Variants in FNBP1L observed in about 807,000 individuals in gnomAD.
FNBP1L encodes the protein formin-binding protein 1-like.
Under a neutral mutation model 91.2 loss-of-function variants are expected in FNBP1L, and 36 were observed. The observed-to-expected ratio is 0.39, with a 90% CI of 0.30 to 0.52. FNBP1L has a LOEUF of 0.52. Among genes scored for constraint, FNBP1L ranks in the 20% least tolerant of loss-of-function variants. The probability of loss-of-function intolerance (pLI) is 0.66; values close to 1 mark genes in which losing one functional copy is unlikely to be tolerated. For missense variants in FNBP1L, 571 were observed against 732.1 expected, an observed-to-expected ratio of 0.78 and a Z score of 2.54; for synonymous variants, 242 against 237.0, an observed-to-expected ratio of 1.02 and a Z score of -0.19.
At chr1:93,527,136 T>A (rs1248237923) in intron 5 of FNBP1L, among the ~76,000 whole-genome samples, 6 of 152,190 alleles carry the variant, frequency 3.9e-5, no homozygotes, top group African/African-American at 1.4e-4. Flanking sequence ...GGAGCGCATT[T>A]ATTTGATGTA....
At chr1:93,452,774 T>C (rs1010880607) in intron 1 of FNBP1L, among the ~76,000 whole-genome samples, 3 of 152,132 alleles carry the variant, frequency 2.0e-5, no homozygotes, top group Admixed American at 6.5e-5. Flanking sequence ...ACAAAGAAAA[T>C]TCATTATTAA....
chr1:93,537,924 C>T (rs1186383945), intron 10 of FNBP1L, among the ~76,000 whole-genome samples: 3 of 152,088 alleles, frequency 2.0e-5, no homozygotes, highest in Non-Finnish European at 4.4e-5. Flanking sequence ...AACTCCTGGG[C>T]TCAAGCAGTC....
At chr1:93,498,530 T>A (rs1670340545) in intron 1 of FNBP1L, among the ~76,000 whole-genome samples, 1 of 152,236 alleles carries the variant, frequency 6.6e-6, no homozygotes, top group Non-Finnish European at 1.5e-5. Flanking sequence ...CAAAAGGAGA[T>A]AATTTGTTTG....
chr1:93,495,846 G>T (rs1023227578), intron 1 of FNBP1L, among the ~76,000 whole-genome samples: 4 of 152,200 alleles, frequency 2.6e-5, no homozygotes, highest in African/African-American at 9.7e-5. Context: ...TGCTGAAAAT[G>T]ATCTGTGTCA....
chr1:93,479,025 C>G (rs1669595391), intron 1 of FNBP1L, among the ~76,000 whole-genome samples: 1 of 152,190 alleles, frequency 6.6e-6, no homozygotes, highest in South Asian at 2.1e-4. Flanking sequence ...AATCTTATCC[C>G]TTATTGGGGG....
At chr1:93,505,278 A>G (rs1670572745) in intron 2 of FNBP1L, among the ~76,000 whole-genome samples, 1 of 152,134 alleles carries the variant, frequency 6.6e-6, no homozygotes, top group Non-Finnish European at 1.5e-5. Flanking sequence ...TTTATTTAGT[A>G]AGGCCATTTT....
At chr1:93,490,675 A>G (rs1227771202) in intron 1 of FNBP1L, among the ~76,000 whole-genome samples, 1 of 152,190 alleles carries the variant, frequency 6.6e-6, no homozygotes, top group African/African-American at 2.4e-5. Flanking sequence ...AACAGTGCTA[A>G]AGGTAGAGAG....
chr1:93,470,766 G>T (rs913544914), intron 1 of FNBP1L, among the ~76,000 whole-genome samples: 1 of 151,890 alleles, frequency 6.6e-6, no homozygotes, highest in Non-Finnish European at 1.5e-5. Context: ...CCAGCTATTC[G>T]GGAGGCTGAG....
intron 1 of FNBP1L, among the ~76,000 whole-genome samples, chr1:93,496,610 C>G (rs1276946667): frequency 6.6e-6 from 1 of 152,078 alleles, no homozygotes; most frequent in East Asian, 1.9e-4. Flanking sequence ...TAACATGTTG[C>G]TAAGGCTGGT....
At chr1:93,494,049 A>G (rs1205762132) in intron 1 of FNBP1L, among the ~76,000 whole-genome samples, 1 of 152,144 alleles carries the variant, frequency 6.6e-6, no homozygotes, top group Non-Finnish European at 1.5e-5. Flanking sequence ...TCAGTTCCAT[A>G]ATACCGCCTG....
At chr1:93,484,028 A>G (rs1557785328) in intron 1 of FNBP1L, among the ~76,000 whole-genome samples, 1 of 152,216 alleles carries the variant, frequency 6.6e-6, no homozygotes, top group Non-Finnish European at 1.5e-5. Context: ...TCCTGGGTTC[A>G]AGCAATTCTC....
chr1:93,515,964 A>G (rs1671089976), intron 2 of FNBP1L, among the ~76,000 whole-genome samples: 1 of 152,190 alleles, frequency 6.6e-6, no homozygotes, highest in Non-Finnish European at 1.5e-5. Flanking sequence ...TTGACCTATT[A>G]TCCTCTATGA....
intron 7 of FNBP1L, among the ~76,000 whole-genome samples, chr1:93,531,436 G>A (rs185285966): frequency 1.3e-5 from 2 of 152,288 alleles, no homozygotes; most frequent in South Asian, 2.1e-4. Context: ...ATTTTCATGA[G>A]GGTTAAATTA....
At chr1:93,534,673 AAC>A (rs915614782) in intron 8 of FNBP1L, 30 bp from the exon 9 acceptor site, 3 of 1,457,676 alleles carry the variant, frequency 2.1e-6, no homozygotes, top group African/African-American at 2.8e-5. Flanking sequence ...GAGCAAGTGA[AAC>A]AGTTTTAAAA....
intron 1 of FNBP1L, among the ~76,000 whole-genome samples, chr1:93,454,655 G>A (rs1668599311): frequency 6.6e-6 from 1 of 151,614 alleles, no homozygotes; most frequent in African/African-American, 2.4e-5. Context: ...CTTTATCTGT[G>A]ACTGTATACT....
chr1:93,531,936 T>G (rs1449185593), intron 7 of FNBP1L, among the ~76,000 whole-genome samples: 1 of 152,280 alleles, frequency 6.6e-6, no homozygotes, highest in East Asian at 1.9e-4. Context: ...AAAAATGCCT[T>G]TAAGTTATTG....
chr1:93,517,509 TA>T (rs1430154141), intron 2 of FNBP1L, among the ~76,000 whole-genome samples: 1 of 152,108 alleles, frequency 6.6e-6, no homozygotes, highest in Non-Finnish European at 1.5e-5. Context: ...GAACATCTTT[TA>T]AAAAAATCCC....
At chr1:93,488,564 G>T (rs1292645139) in intron 1 of FNBP1L, 2 of 152,120 alleles carry the variant, frequency 1.3e-5, no homozygotes, top group Non-Finnish European at 2.9e-5. Context: ...TCCAACTCAG[G>T]GTTAAAGCCA....
chr1:93,504,661 A>C (rs372332048), intron 2 of FNBP1L, among the ~76,000 whole-genome samples: 1 of 152,196 alleles, frequency 6.6e-6, no homozygotes, highest in Non-Finnish European at 1.5e-5. Flanking sequence ...GTTGTTTTGC[A>C]AGTAGCCACC....
Sources: gnomAD v4.1 joint callset for allele counts (sites outside exome capture counted in the v4.1 genomes callset) on GRCh38, gnomAD v4.1.1 for gene constraint, MANE v1.5 for transcripts, NCBI Gene and HGNC (gene_info 2026-07-23, HGNC 2026-07-21) for gene names.